ABCG1: variants seen among roughly 807,000 people sequenced by gnomAD.
ABCG1 encodes the protein ATP-binding cassette sub-family G member 1.
Under a neutral mutation model 69.2 loss-of-function variants are expected in ABCG1, and 29 were observed. That is an observed-to-expected ratio of 0.42 (90% CI 0.31 to 0.57). The LOEUF is 0.57. Ranked by LOEUF, ABCG1 falls within the 20% of genes least tolerant of loss-of-function variation. The probability of loss-of-function intolerance (pLI) is 0.15; values close to 1 mark genes in which losing one functional copy is unlikely to be tolerated. For synonymous variants in ABCG1, 370 were observed against 374.8 expected, an observed-to-expected ratio of 0.99 and a Z score of 0.15; for missense variants, 718 against 898.1, an observed-to-expected ratio of 0.80 and a Z score of 2.56.
rs1201164538 is a variant in ABCG1, at chr21:42,290,209, GT to G, written c.1386del (p.Leu463Ter). On this transcript the variant is annotated frameshift_variant, in exon 11 of 15. Coordinates refer to ENST00000398449, the MANE Select transcript of ABCG1 (RefSeq NM_016818.3). LOFTEE classifies it high-confidence loss of function. ...FLMFAALMPTVLTFPLEMGVF... is the reference protein window; with the variant it reads ...FLMFAALMPTXLTFPLEMGVF... ...CATGTTCGCGGCCCTCATGCCTACT[GT>G]TCTGACATGTGAGTGACAGACCGCT... 2.5e-6 allele frequency: 4 copies of G among 1,613,770 alleles called. No homozygotes were observed. Among genetic ancestry groups the G allele is most frequent in the Non-Finnish European group, 3.4e-6 (4 of 1,179,846 alleles).
chr21:42,224,648 G>A (rs2067784925), intron 1 of ABCG1, among the ~76,000 whole-genome samples: 1 of 152,226 alleles, frequency 6.6e-6, no homozygotes, highest in Admixed American at 6.5e-5. Flanking sequence ...ATGCCTGGAA[G>A]GGGTGTGTGT....
intron 2 of ABCG1, among the ~76,000 whole-genome samples, chr21:42,203,835 T>G (rs780602786): frequency 5.3e-5 from 8 of 152,270 alleles, no homozygotes; most frequent in Non-Finnish European, 1.2e-4. Context: ...CATATTTTGT[T>G]GATCATTGAT....
upstream of ABCG1, among the ~76,000 whole-genome samples, chr21:42,213,423 G>A (rs2067608589): frequency 6.6e-6 from 1 of 152,282 alleles, no homozygotes; most frequent in African/African-American, 2.4e-5. Context: ...GGATTTCAGA[G>A]GATGCTTTGG....
At chr21:42,209,255 C>T (rs2067567594) in intron 2 of ABCG1, among the ~76,000 whole-genome samples, 1 of 152,198 alleles carries the variant, frequency 6.6e-6, no homozygotes, top group African/African-American at 2.4e-5. Context: ...ATGTGGGCTG[C>T]CTGGTGCCTG....
intron 10 of ABCG1, among the ~76,000 whole-genome samples, chr21:42,289,067 A>G (rs961178790): frequency 2.0e-5 from 3 of 152,178 alleles, no homozygotes; most frequent in Non-Finnish European, 4.4e-5. Flanking sequence ...TTGACATGAG[A>G]TTTGGGCGGG....
At chr21:42,234,927 G>A (rs1459047710) in intron 2 of ABCG1, among the ~76,000 whole-genome samples, 1 of 151,968 alleles carries the variant, frequency 6.6e-6, no homozygotes, top group Non-Finnish European at 1.5e-5. Context: ...CCTCCGCGGC[G>A]GAGCGGCGGC....
rs932863835 is a variant in ABCG1 at position 42,256,313 on chromosome 21, A to T, written c.287-14757A>T. 1.9e-6 allele frequency: 3 copies of T among 1,545,996 alleles called. No homozygotes were observed. In the African/African-American group the frequency reaches 4.1e-5, roughly 21 times the overall value. On this transcript the variant is annotated intron_variant, in intron 2 of 14. Coordinates refer to ENST00000398449, the MANE Select transcript of ABCG1 (RefSeq NM_016818.3). ...GTCTTCCAACTTTTGCCCGGAGTCT[A>T]CAGAGGGTGGGCCCTCTCTGCTGGG...
chr21:42,248,334 A>G (rs2068164388), intron 2 of ABCG1, among the ~76,000 whole-genome samples: 2 of 152,166 alleles, frequency 1.3e-5, no homozygotes, highest in South Asian at 4.1e-4. Context: ...ACCTGTCCAG[A>G]CAGCAGTGGT....
At chr21:42,211,888 TAAA>T (rs1569201376), upstream of ABCG1, among the ~76,000 whole-genome samples, 1 of 151,918 alleles carries the variant, frequency 6.6e-6, no homozygotes, top group Non-Finnish European at 1.5e-5. Context: ...GACTCTGTCT[TAAA>T]AACAAAAATC....
intron 2 of ABCG1, among the ~76,000 whole-genome samples, chr21:42,208,223 CTTT>C (rs35946579): frequency 3.7e-5 from 5 of 133,694 alleles, no homozygotes; most frequent in African/African-American, 5.5e-5. Context: ...TTTGTTGGGA[CTTT>C]TTTTTTTTTT....
chr21:42,282,872 C>T (rs1000605809), intron 6 of ABCG1, among the ~76,000 whole-genome samples: 4 of 151,886 alleles, frequency 2.6e-5, no homozygotes, highest in South Asian at 2.1e-4. Context: ...TACCCACGGG[C>T]GCTCTGACCC....
intron 4 of ABCG1, among the ~76,000 whole-genome samples, chr21:42,275,418 G>A (rs191660093): frequency 3.3e-5 from 5 of 152,328 alleles, no homozygotes; most frequent in East Asian, 1.9e-4. Context: ...AGGAGTTGGC[G>A]AACAGATGCT....
At chr21:42,255,255 G>A (rs545330622) in intron 2 of ABCG1, among the ~76,000 whole-genome samples, 8 of 152,334 alleles carry the variant, frequency 5.3e-5, no homozygotes, top group Admixed American at 3.3e-4. Context: ...TGCAGGGGGC[G>A]TGTGTGTGCA....
In ABCG1 at chr21:42,256,277, G is replaced by T. The variant is rs56362761; in HGVS notation, c.287-14793G>T. ...AGAACACTTACCTGCCTGCCCTCCC[G>T]CCAGGAGGTGGTCTTCCAACTTTTG... On this transcript the variant is annotated intron_variant, in intron 2 of 14. Coordinates refer to ENST00000398449, the MANE Select transcript of ABCG1 (RefSeq NM_016818.3). The T allele has an allele frequency of 1.3e-5, 19 of 1,510,734 alleles. No individual in the cohort carries two copies. In the South Asian group the frequency reaches 1.5e-4, roughly 12 times the overall value. The allele number at this position is 1,510,734 out of a possible 1,614,324, so 93.6% of individuals were successfully genotyped here.
At chr21:42,271,923 C>A (rs973004987) in intron 3 of ABCG1, among the ~76,000 whole-genome samples, 17 of 152,134 alleles carry the variant, frequency 1.1e-4, no homozygotes, top group African/African-American at 4.1e-4. Flanking sequence ...AGAAAAACAA[C>A]AAAGAAGTTT....
At chr21:42,248,129 T>A (rs1014944716) in intron 2 of ABCG1, among the ~76,000 whole-genome samples, 4 of 152,212 alleles carry the variant, frequency 2.6e-5, no homozygotes, top group African/African-American at 9.7e-5. Flanking sequence ...GAGAGGAGGA[T>A]AAAGAAGATT....
chr21:42,219,105 C>G, upstream of ABCG1: 2 of 611,320 alleles, frequency 3.3e-6, no homozygotes, highest in Non-Finnish European at 4.4e-6. The surrounding 1 kb of genome is among the most constrained non-coding windows in gnomAD (Gnocchi z 5.3). Context: ...CGGGGTCGGG[C>G]GCGCTGGAAC....
At chr21:42,268,954 C>A (rs969948403) in intron 2 of ABCG1, among the ~76,000 whole-genome samples, 1 of 152,192 alleles carries the variant, frequency 6.6e-6, no homozygotes, top group African/African-American at 2.4e-5. Context: ...GCCCCAGGCA[C>A]TGTCAAAGGT....
intron 2 of ABCG1, among the ~76,000 whole-genome samples, chr21:42,207,911 C>A (rs1031020965): frequency 2.0e-5 from 3 of 152,230 alleles, no homozygotes; most frequent in Admixed American, 1.3e-4. Context: ...CCTGTCACCA[C>A]CCCAGCAAGG....
Sources: gnomAD v4.1 joint callset for allele counts (sites outside exome capture counted in the v4.1 genomes callset) on GRCh38, gnomAD v4.1.1 for gene constraint, Gnocchi (gnomAD v3.1) non-coding constraint, MANE v1.5 for transcripts, NCBI Gene and HGNC (gene_info 2026-07-23, HGNC 2026-07-21) for gene names.